The following DAAM1 variants were observed in gnomAD, a reference collection of about 807,000 sequenced individuals.
DAAM1 encodes the protein disheveled-associated activator of morphogenesis 1.
Under a neutral mutation model 130.0 loss-of-function variants are expected in DAAM1, and 52 were observed. That is an observed-to-expected ratio of 0.40 (90% CI 0.32 to 0.50). The LOEUF (loss-of-function observed/expected upper bound fraction) is 0.50, where lower values mean the gene tolerates loss of function less well. Ranked by LOEUF, DAAM1 falls within the 20% of genes least tolerant of loss-of-function variation. The probability of loss-of-function intolerance (pLI) is 0.61; values close to 1 mark genes in which losing one functional copy is unlikely to be tolerated. For missense variants in DAAM1, 1,134 were observed against 1,303.8 expected, an observed-to-expected ratio of 0.87 and a Z score of 2.01; for synonymous variants, 452 against 444.5, an observed-to-expected ratio of 1.02 and a Z score of -0.21.
At chr14:59,219,500 AT>A (rs1358948631) in intron 1 of DAAM1, among the ~76,000 whole-genome samples, 1 of 152,072 alleles carries the variant, frequency 6.6e-6, no homozygotes, top group Non-Finnish European at 1.5e-5. Flanking sequence ...TGGCTTATAC[AT>A]TCTTTCCTTT....
At chr14:59,358,083 A>G (rs1886553496) in intron 20 of DAAM1, among the ~76,000 whole-genome samples, 1 of 149,832 alleles carries the variant, frequency 6.7e-6, no homozygotes, top group Admixed American at 6.6e-5. Context: ...TACCCTCCTA[A>G]TTCTAACTTC....
intron 8 of DAAM1, 46 bp downstream of exon 8, chr14:59,324,500 CTG>C: frequency 7.6e-7 from 1 of 1,309,954 alleles, no homozygotes; most frequent in Non-Finnish European, 1.0e-6. Context: ...TGTTTCCCAT[CTG>C]TGTAATGCAA....
intron 2 of DAAM1, among the ~76,000 whole-genome samples, chr14:59,269,740 T>A (rs183632566): frequency 4.2e-4 from 64 of 152,032 alleles, no homozygotes; most frequent in Non-Finnish European, 8.2e-4. Flanking sequence ...ATGTGAGGCA[T>A]GAAAAACAAG....
chr14:59,297,480 T>G (rs1883998461), intron 3 of DAAM1, among the ~76,000 whole-genome samples: 1 of 152,202 alleles, frequency 6.6e-6, no homozygotes, highest in African/African-American at 2.4e-5. Context: ...ATACTATGTA[T>G]GCAGACAGCA....
chr14:59,234,614 T>G (rs553109778), intron 1 of DAAM1, among the ~76,000 whole-genome samples: 16 of 152,316 alleles, frequency 1.1e-4, no homozygotes, highest in African/African-American at 3.6e-4. Flanking sequence ...TGAATACCCT[T>G]TATTTCTTTC....
chr14:59,233,618 A>G (rs567957111), intron 1 of DAAM1, among the ~76,000 whole-genome samples: 28 of 152,080 alleles, frequency 1.8e-4, no homozygotes, highest in Non-Finnish European at 3.7e-4. Flanking sequence ...TTCTTTTGCT[A>G]TGCAGAAGCT....
chr14:59,292,099 A>G (rs142818895), intron 3 of DAAM1, among the ~76,000 whole-genome samples: 10 of 152,176 alleles, frequency 6.6e-5, no homozygotes, highest in African/African-American at 1.7e-4. Flanking sequence ...GGATATCCCT[A>G]CACCCATTTT....
At chr14:59,337,134 A>G (rs1212062364) in intron 15 of DAAM1, among the ~76,000 whole-genome samples, 1 of 152,156 alleles carries the variant, frequency 6.6e-6, no homozygotes, top group Non-Finnish European at 1.5e-5. Context: ...AAGTTCAACT[A>G]GCAACTCTCT....
chr14:59,343,296 G>C (rs1240426042), intron 16 of DAAM1, among the ~76,000 whole-genome samples: 1 of 152,200 alleles, frequency 6.6e-6, no homozygotes, highest in African/African-American at 2.4e-5. Context: ...AGCTGGACCA[G>C]GGCAGCCATC....
intron 1 of DAAM1, among the ~76,000 whole-genome samples, chr14:59,244,956 G>GTT (rs1881297999): frequency 6.6e-6 from 1 of 152,148 alleles, no homozygotes. Context: ...ATGAGTAGGA[G>GTT]GAGAACCAGT....
intron 1 of DAAM1, among the ~76,000 whole-genome samples, chr14:59,243,503 A>G (rs1426746684): frequency 1.3e-5 from 2 of 152,164 alleles, no homozygotes; most frequent in Non-Finnish European, 2.9e-5. Context: ...CCCCACATCC[A>G]TGTGCAGATC....
At chr14:59,203,680 T>C (rs1888179816) in intron 1 of DAAM1, among the ~76,000 whole-genome samples, 1 of 152,220 alleles carries the variant, frequency 6.6e-6, no homozygotes, top group Non-Finnish European at 1.5e-5. Context: ...GTTTTTCTCA[T>C]ACATCCTAAT....
chr14:59,343,744 A>G (rs937533707), intron 16 of DAAM1, among the ~76,000 whole-genome samples: 6 of 152,208 alleles, frequency 3.9e-5, no homozygotes, highest in African/African-American at 1.2e-4. Flanking sequence ...AAAGAGGCCA[A>G]GGCAGGGAGG....
Position 59,249,263 on chromosome 14 carries a change from A to G in DAAM1, c.-37-14178A>G, listed in dbSNP as rs577112376. Among the ~76,000 whole-genome samples the G allele has an allele frequency of 6.6e-4, 101 of 152,290 alleles. 3 individuals are homozygous for G. The South Asian group carries it at 0.019, about 29-fold the overall frequency. On this transcript the variant is annotated intron_variant, in intron 1 of 24. Coordinates refer to ENST00000360909, the MANE Select transcript of DAAM1 (RefSeq NM_001270520.2). ...TCCTGGCATCTTAGGTATTTTCCCA[A>G]AGCTTCATAGGCATGTTCCATTGGC...
At chr14:59,291,917 T>C (rs1292901300) in intron 3 of DAAM1, among the ~76,000 whole-genome samples, 4 of 152,098 alleles carry the variant, frequency 2.6e-5, no homozygotes, top group Admixed American at 2.6e-4. Flanking sequence ...CCATTTAAGA[T>C]CTAGGGGTTC....
chr14:59,279,315 T>C (rs977001505), intron 2 of DAAM1, among the ~76,000 whole-genome samples: 18 of 152,224 alleles, frequency 1.2e-4, no homozygotes, highest in African/African-American at 3.9e-4. Flanking sequence ...GATACAGTGA[T>C]ACTAATTGCT....
intron 1 of DAAM1, among the ~76,000 whole-genome samples, chr14:59,238,604 T>C (rs1344081080): frequency 6.6e-6 from 1 of 152,212 alleles, no homozygotes; most frequent in Non-Finnish European, 1.5e-5. Flanking sequence ...ATGTTCTTGA[T>C]TTTTGAAAGG....
Position 59,322,503 on chromosome 14 carries a change from A to G in DAAM1, c.441-389A>G, listed in dbSNP as rs1229061708. Among the ~76,000 whole-genome samples the G allele has an allele frequency of 1.1e-4, 4 of 35,408 alleles. No homozygotes were observed. In the East Asian group the frequency reaches 2.4e-3, roughly 22 times the overall value. The allele number at this position is 35,408 out of a possible 152,430, so 23.2% of individuals were successfully genotyped here. On this transcript the variant is annotated intron_variant, in intron 5 of 24. Coordinates refer to ENST00000360909, the MANE Select transcript of DAAM1 (RefSeq NM_001270520.2). ...AGCAAGACCCTGTCTCTCTTAAAGA[A>G]AAAAAAAAAAAGGATTGGGGTGGGG...
At position 59,306,405 on chromosome 14, in the gene DAAM1, T is replaced by C. The variant is rs7147235; in HGVS notation, c.274-8875T>C. 6.0e-3 allele frequency among the ~76,000 whole-genome samples: 908 copies of C among 152,342 alleles called. 11 individuals are homozygous for C. Among genetic ancestry groups the C allele is most frequent in the African/African-American group, 0.019 (806 of 41,580 alleles). On this transcript the variant is annotated intron_variant, in intron 3 of 24. Coordinates refer to ENST00000360909, the MANE Select transcript of DAAM1 (RefSeq NM_001270520.2). Reference sequence around the variant, plus strand: ...ATGAGAAGGAAAGCAAATGCCTTTTTAGATTCCATTCAGCATTGTAGATAT... The same window carrying C: ...ATGAGAAGGAAAGCAAATGCCTTTTCAGATTCCATTCAGCATTGTAGATAT...
Sources: allele counts gnomAD v4.1 joint callset (sites outside exome capture counted in the v4.1 genomes callset), GRCh38; gene constraint gnomAD v4.1.1; transcripts MANE v1.5; gene names NCBI Gene and HGNC (gene_info 2026-07-23, HGNC 2026-07-21).